The following PTK7 variants were observed in gnomAD, a reference collection of about 807,000 sequenced individuals.
The protein encoded by PTK7 is protein tyrosine kinase 7 (inactive).
PTK7 carries 39 observed loss-of-function variants against 116.6 expected under a neutral mutation model. The ratio of observed to expected loss-of-function variants is 0.33; its 90% CI spans 0.26 to 0.44. PTK7 has a LOEUF of 0.44. Among genes scored for constraint, PTK7 ranks in the 20% least tolerant of loss-of-function variants. The probability of loss-of-function intolerance (pLI) is 1.00; values close to 1 mark genes in which losing one functional copy is unlikely to be tolerated. For synonymous variants in PTK7, 546 were observed against 563.6 expected, an observed-to-expected ratio of 0.97 and a Z score of 0.44; for missense variants, 1,169 against 1,425.6, an observed-to-expected ratio of 0.82 and a Z score of 2.90.
intron 12 of PTK7, 38 bp from the exon 13 acceptor site, chr6:43,142,134 C>T (rs1313250510): frequency 1.9e-6 from 3 of 1,612,066 alleles, no homozygotes; most frequent in African/African-American, 2.7e-5. Context: ...GCCCCCCTCC[C>T]TGCGAGCTGG....
Position 43,129,408 on chromosome 6 carries a change from A to G in PTK7, c.367+144A>G, listed in dbSNP as rs1046020959. ...CATTTATCATCAGCTTTTTTTGCTC[A>G]TGTGGATAAGAGGAAATTAAAAGTT... On this transcript the variant is annotated intron_variant, in intron 2 of 19. Coordinates refer to ENST00000230419, the MANE Select transcript of PTK7 (RefSeq NM_002821.5). The surrounding 1 kb of genome is among the most constrained non-coding windows in gnomAD (Gnocchi z 4.5). 1.8e-6 allele frequency: 2 copies of G among 1,135,228 alleles called. No homozygotes were observed. Among genetic ancestry groups the G allele is most frequent in the South Asian group, 1.6e-5 (1 of 62,148 alleles). The allele number at this position is 1,135,228 out of a possible 1,614,324, so 70.3% of individuals were successfully genotyped here.
intron 17 of PTK7, among the ~76,000 whole-genome samples, chr6:43,155,457 A>G (rs1432315518): frequency 6.6e-6 from 1 of 152,100 alleles, no homozygotes; most frequent in Non-Finnish European, 1.5e-5. Flanking sequence ...CCTGGCCAAC[A>G]TGGTGAAACT....
chr6:43,118,912 G>C (rs1190970275), intron 1 of PTK7, among the ~76,000 whole-genome samples: 1 of 151,036 alleles, frequency 6.6e-6, no homozygotes, highest in Non-Finnish European at 1.5e-5. Flanking sequence ...GGGACGACAG[G>C]TGGGCGCCAC....
At chr6:43,118,630 T>TCTCC in intron 1 of PTK7, among the ~76,000 whole-genome samples, 1 of 70,320 alleles carries the variant, frequency 1.4e-5, no homozygotes, top group Non-Finnish European at 2.6e-5. Context: ...CCTCTCTCTC[T>TCTCC]CTCTCTCTCT....
At position 43,129,423 on chromosome 6, in the gene PTK7, A is replaced by C; in HGVS notation, c.367+159A>C. 9.5e-7 allele frequency: 1 copy of C among 1,051,186 alleles called. No individual in the cohort carries two copies. The highest frequency in any genetic ancestry group is 1.4e-6 in the Non-Finnish European group (1 of 738,524). The allele number at this position is 1,051,186 out of a possible 1,614,324, so 65.1% of individuals were successfully genotyped here. A position where few individuals can be genotyped will look rare whatever the true frequency, so the allele number is the denominator to read the frequency against. ...TTTTTTGCTCATGTGGATAAGAGGA[A>C]ATTAAAAGTTATATTTTTTCCAAAA... On this transcript the variant is annotated intron_variant, in intron 2 of 19. Transcript: ENST00000230419. This position sits in a 1 kb window ranked among gnomAD's most constrained non-coding sequence, Gnocchi z 4.5.
chr6:43,130,281 C>T lies in PTK7; in HGVS notation c.522C>T (p.Ser174=), dbSNP rs747779998. The T allele has an allele frequency of 1.9e-6, 3 of 1,608,982 alleles. No homozygotes were observed. The highest frequency in any genetic ancestry group is 2.7e-5 in the African/African-American group (2 of 74,976). Residue 174 remains serine (S), a synonymous_variant, in exon 4 of 20, where the codon AGC becomes AGT. Transcript: ENST00000230419. The part of the protein sequence containing the change: ...RDGTPLSDGQ[S]NHTVSSKERN... ...GGACCCCCCTTTCTGATGGTCAGAG[C>T]AACCACACAGTCAGCAGCAAGGAGC...
intron 1 of PTK7, among the ~76,000 whole-genome samples, chr6:43,087,386 C>T (rs946184194): frequency 2.6e-5 from 4 of 152,146 alleles, no homozygotes; most frequent in Non-Finnish European, 5.9e-5. Context: ...TTCAGTTTTC[C>T]TTTCTCTTGT....
chr6:43,118,312 G>A (rs1303767701), intron 1 of PTK7, among the ~76,000 whole-genome samples: 2 of 151,836 alleles, frequency 1.3e-5, no homozygotes, highest in East Asian at 3.9e-4. Context: ...CGAGGTGGGT[G>A]GATCACCTGA....
In PTK7 at chr6:43,160,769, C is replaced by G. The variant is rs202146863; in HGVS notation, c.3101C>G (p.Ser1034Cys). Residue 1034 changes from serine (S) to cysteine (C), a missense_variant, in exon 20 of 20, where the codon TCC (serine) becomes TGC (cysteine). Physicochemically the swap from Ser to Cys is moderately radical, Grantham distance 112. This residue lies in a region of PTK7 where 678 missense variants were observed against 853.8 expected (regional missense o/e 0.79). Coordinates refer to ENST00000230419, the MANE Select transcript of PTK7 (RefSeq NM_002821.5). The stretch of plus-strand genomic sequence containing the variant: ...CTTCCTCAGCCCGAGGGCTGCCCTT[C>G]CAAACTCTATCGGCTGATGCAGCGC... ...ARLPQPEGCPSKLYRLMQRCW... is the reference protein window; with the variant it reads ...ARLPQPEGCPCKLYRLMQRCW... 8.1e-6 allele frequency: 13 copies of G among 1,614,222 alleles called. No homozygotes were observed. The highest frequency in any genetic ancestry group is 1.3e-5 in the African/African-American group (1 of 75,070).
Position 43,092,026 on chromosome 6 carries a change from C to T in PTK7, c.79+15459C>T, listed in dbSNP as rs570328905. Among the ~76,000 whole-genome samples the T allele has an allele frequency of 2.6e-4, 39 of 152,234 alleles. 1 individual carries two copies. Among genetic ancestry groups the T allele is most frequent in the South Asian group, 1.5e-3 (7 of 4,822 alleles). On this transcript the variant is annotated intron_variant, in intron 1 of 19. Coordinates refer to ENST00000230419, the MANE Select transcript of PTK7 (RefSeq NM_002821.5). ...TACAGGCACGTGTCACTACGCCCAG[C>T]TAATTTTTGTATTTTTAGTAGCGAT...
At chr6:43,130,463 A>G (rs765077377) in intron 4 of PTK7, 43 bp downstream of exon 4, 2 of 1,609,354 alleles carry the variant, frequency 1.2e-6, no homozygotes, top group Admixed American at 1.7e-5. Flanking sequence ...TGAGCACAGG[A>G]GGGCCTCACC....
chr6:43,091,081 A>G (rs1398402094), intron 1 of PTK7, among the ~76,000 whole-genome samples: 1 of 151,722 alleles, frequency 6.6e-6, no homozygotes, highest in African/African-American at 2.4e-5. Flanking sequence ...CTGTTCAGGA[A>G]CTGACTTCTG....
rs1353019731 is a variant in PTK7 at position 43,145,443 on chromosome 6, G to T, written c.2640+11G>T. On this transcript the variant is annotated intron_variant, in intron 16 of 19. Coordinates refer to ENST00000230419, the MANE Select transcript of PTK7 (RefSeq NM_002821.5). The surrounding 1 kb of genome is among the most constrained non-coding windows in gnomAD (Gnocchi z 4.8). Reference sequence around the variant, plus strand: ...GAATATGTGGATCTGGTATGCTGTTGGCAGGGGACGTGGGGGTCTCGGGTA... The same window carrying T: ...GAATATGTGGATCTGGTATGCTGTTTGCAGGGGACGTGGGGGTCTCGGGTA... 2 of 1,536,402 alleles carry T rather than the reference G, an allele frequency of 1.3e-6. No homozygotes were observed. Among genetic ancestry groups the T allele is most frequent in the Admixed American group, 1.9e-5 (1 of 52,894 alleles).
chr6:43,153,691 C>T (rs1176403585), intron 17 of PTK7, among the ~76,000 whole-genome samples: 1 of 152,128 alleles, frequency 6.6e-6, no homozygotes, highest in Non-Finnish European at 1.5e-5. Flanking sequence ...AATTACAGGC[C>T]AGCAATAGCT....
At chr6:43,109,861 G>T (rs1768095365) in intron 1 of PTK7, among the ~76,000 whole-genome samples, 1 of 151,812 alleles carries the variant, frequency 6.6e-6, no homozygotes, top group Admixed American at 6.6e-5. Context: ...ACCACGCCCG[G>T]CTAATTTTTT....
intron 1 of PTK7, among the ~76,000 whole-genome samples, chr6:43,119,786 C>G (rs1160071606): frequency 6.6e-6 from 1 of 152,188 alleles, no homozygotes; most frequent in African/African-American, 2.4e-5. Flanking sequence ...AGACAGCTGG[C>G]TGCTGTCTGT....
intron 1 of PTK7, among the ~76,000 whole-genome samples, chr6:43,088,018 G>T (rs996026230): frequency 9.2e-5 from 14 of 152,206 alleles, no homozygotes; most frequent in African/African-American, 3.4e-4. Context: ...TAGGGCTGAA[G>T]CCAGTGTGGT....
chr6:43,157,179 T>G (rs1394666371), intron 17 of PTK7, among the ~76,000 whole-genome samples: 1 of 147,948 alleles, frequency 6.8e-6, no homozygotes, highest in Admixed American at 6.7e-5. Flanking sequence ...TTTTTTTTTT[T>G]TTTTCCCACA....
At position 43,143,444 on chromosome 6, in the gene PTK7, G is replaced by A. The variant is rs113301248; in HGVS notation, c.2075G>A (p.Gly692Asp). ...VDKPVPEESEGPGSPPPYKMI... is the reference protein window; with the variant it reads ...VDKPVPEESEDPGSPPPYKMI... ...AAGCCTGTGCCGGAGGAGTCGGAGGGCCCTGGCAGCCCTCCCCCCTACAAG... is the reference window on the plus strand; with the variant it reads ...AAGCCTGTGCCGGAGGAGTCGGAGGACCCTGGCAGCCCTCCCCCCTACAAG... The change falls in exon 14 of 20, where the codon GGC becomes GAC. Residue 692 changes from glycine (G) to aspartate (D), a missense_variant. Coordinates refer to ENST00000230419, the MANE Select transcript of PTK7 (RefSeq NM_002821.5). This position sits in a 1 kb window ranked among gnomAD's most constrained non-coding sequence, Gnocchi z 4.2. The A allele has an allele frequency of 2.1e-5, 34 of 1,614,006 alleles. No homozygotes were observed. Among genetic ancestry groups the A allele is most frequent in the Admixed American group, 1.7e-5 (1 of 60,010 alleles).
Sources: gnomAD v4.1 joint callset for allele counts (sites outside exome capture counted in the v4.1 genomes callset) on GRCh38, gnomAD v4.1.1 for gene constraint, gnomAD v4.1.1 regional missense constraint, Gnocchi (gnomAD v3.1) non-coding constraint, MANE v1.5 for transcripts, NCBI Gene and HGNC (gene_info 2026-07-23, HGNC 2026-07-21) for gene names.